SIGLECL1: variants seen among roughly 807,000 people sequenced by gnomAD.
SIGLECL1 encodes SIGLEC family-like protein 1.
SIGLECL1 carries 16 observed loss-of-function variants against 19.1 expected under a neutral mutation model. The observed-to-expected ratio is 0.84, with a 90% confidence interval of 0.57 to 1.27. The LOEUF (loss-of-function observed/expected upper bound fraction) is 1.27. SIGLECL1 is among the 50% of genes most tolerant of loss of function. The pLI is 0.00. For missense variants in SIGLECL1, 210 were observed against 239.4 expected (o/e 0.88, Z 0.81); for synonymous variants, 89 against 90.4 (o/e 0.98, Z 0.09).
chr19:51,265,455 T>C lies in SIGLECL1; in HGVS notation c.110T>C (p.Val37Ala). ...CSFHGIPTPS[V>A]QWWMGGVPVG... is the part of the protein sequence containing the mutation. ...TTCCATGGGATTCCCACACCCTCTG[T>C]GCAGTGGTGGATGGGAGGAGTCCCC... Residue 37 changes from valine to alanine, a missense_variant, in exon 3 of 6, where the codon GTG becomes GCG. Physicochemically the swap from Val to Ala is moderately conservative, Grantham distance 64 (BLOSUM62 0). Coordinates refer to ENST00000601727, the MANE Select transcript of SIGLECL1 (RefSeq NM_001385465.1). 1 of 1,614,134 alleles carries C rather than the reference T, an allele frequency of 6.2e-7. No homozygotes were observed.
chr19:51,265,065 A>T (rs1029151730), intron 2 of SIGLECL1, among the ~76,000 whole-genome samples: 5 of 152,200 alleles, frequency 3.3e-5, no homozygotes, highest in Admixed American at 1.3e-4. Flanking sequence ...TGGGAAGAAG[A>T]GAAGCAGAGT....
chr19:51,266,220 T>A (rs1983658530), intron 4 of SIGLECL1, among the ~76,000 whole-genome samples: 1 of 152,076 alleles, frequency 6.6e-6, no homozygotes, highest in Admixed American at 6.6e-5. Flanking sequence ...TGGAAAGTAT[T>A]AATAGTACAG....
chr19:51,261,547 C>T (rs1289543980), intron 1 of SIGLECL1, among the ~76,000 whole-genome samples: 1 of 152,188 alleles, frequency 6.6e-6, no homozygotes, highest in African/African-American at 2.4e-5. Flanking sequence ...CTCGGCCTCC[C>T]AAAGTGCTGG....
In SIGLECL1 at chr19:51,252,006, A is replaced by G. The variant is rs115669628; in HGVS notation, c.-191+461A>G. On this transcript the variant is annotated intron_variant, in intron 1 of 5. Transcript: ENST00000601727. ...AGGAAAATTGAGAGACATGGTGGTC[A>G]AGGAAAATAGGCTGGGCGCAGTGGC... is the stretch of plus-strand genomic sequence containing the variant. 2.5e-3 allele frequency among the ~76,000 whole-genome samples: 382 copies of G among 152,324 alleles called. 1 individual carries two copies. The highest frequency in any genetic ancestry group is 8.8e-3 in the African/African-American group (364 of 41,568).
In SIGLECL1 at chr19:51,265,805, C is replaced by A. The variant is rs189631727; in HGVS notation, c.333C>A (p.Phe111Leu). Residue 111 changes from phenylalanine (F) to leucine (L), a missense_variant, in exon 4 of 6, where the codon TTC (phenylalanine) becomes TTA (leucine). By Grantham distance (22) the Phe-to-Leu change is conservative. Transcript: ENST00000601727. ...AGAGTTCTTTGGCTGCCCAGGCCTTCGTGAAAGGGCTGATCCAGGGTGCTA... is the reference window on the plus strand; with the variant it reads ...AGAGTTCTTTGGCTGCCCAGGCCTTAGTGAAAGGGCTGATCCAGGGTGCTA... ...SRKSSLAAQA[F>L]VKGLIQGAIY... The A allele has an allele frequency of 3.7e-6, 6 of 1,614,046 alleles. No homozygotes were observed. The highest frequency in any genetic ancestry group is 1.3e-5 in the African/African-American group (1 of 74,912).
Position 51,252,754 on chromosome 19 carries a change from G to A in SIGLECL1, c.-191+1209G>A, listed in dbSNP as rs1011876883. 4.6e-5 allele frequency among the ~76,000 whole-genome samples: 7 copies of A among 152,158 alleles called. No individual in the cohort carries two copies. The East Asian group carries it at 1.2e-3, about 25-fold the overall frequency. ...GAGCACAGACCACTCAGAGAGGTCT[G>A]TTAAAACATGCCGAAATATGGAATA... On this transcript the variant is annotated intron_variant, in intron 1 of 5. Coordinates refer to ENST00000601727, the MANE Select transcript of SIGLECL1 (RefSeq NM_001385465.1).
At chr19:51,265,295 A>C in intron 2 of SIGLECL1, 73 bp from the exon 3 acceptor site, 1 of 1,489,590 alleles carries the variant, frequency 6.7e-7, no homozygotes, top group Non-Finnish European at 9.1e-7. Context: ...AGTAAAGAGA[A>C]GGCTGCATGC....
rs113540507 is a variant in SIGLECL1, at chr19:51,255,263, GAA to G, written c.-191+3732_-191+3733del. Reference sequence around the variant, plus strand: ...CAACAGAGTGGGGACCCTGTCTCAAGAAAAAAAAAAAAAAAGACTTAAATATA... The same window carrying G: ...CAACAGAGTGGGGACCCTGTCTCAAGAAAAAAAAAAAAAGACTTAAATATA... On this transcript the variant is annotated intron_variant, in intron 1 of 5. Coordinates refer to ENST00000601727, the MANE Select transcript of SIGLECL1 (RefSeq NM_001385465.1). 7.2e-4 allele frequency among the ~76,000 whole-genome samples: 67 copies of G among 92,650 alleles called. 1 individual carries two copies. The East Asian group carries it at 0.01, about 14-fold the overall frequency. The allele number at this position is 92,650 out of a possible 152,430, so 60.8% of individuals were successfully genotyped here.
Position 51,264,019 on chromosome 19 carries a change from G to C in SIGLECL1, c.-54G>C. 1 of 1,604,688 alleles carries C rather than the reference G, an allele frequency of 6.2e-7. No individual in the cohort carries two copies. The highest frequency in any genetic ancestry group is 8.5e-7 in the Non-Finnish European group (1 of 1,172,196). On this transcript the variant is annotated 5_prime_UTR_variant, in exon 2 of 6. Transcript: ENST00000601727. ...TGAACCATATGGTTCTGATGTCAGA[G>C]CCAGTGTAGTAAAGAGCTTCTGCTG...
chr19:51,265,260 C>T lies in SIGLECL1; in HGVS notation c.23-108C>T, dbSNP rs560947428. 2.4e-5 allele frequency: 31 copies of T among 1,288,456 alleles called. No homozygotes were observed. In the South Asian group the frequency reaches 4.3e-4, roughly 18 times the overall value. 79.8% of individuals were successfully genotyped at this position (1,288,456 alleles called of 1,614,324 possible). A position where few individuals can be genotyped will look rare whatever the true frequency, so the allele number is the denominator to read the frequency against. On this transcript the variant is annotated intron_variant, in intron 2 of 5. Transcript: ENST00000601727. ...GAATCCTGTGGGCTTCCAGAAAGTC[C>T]TTCTGAAGCTCCTTGTGAATAGCAA...
intron 2 of SIGLECL1, 24 bp downstream of exon 2, chr19:51,264,118 T>C: frequency 1.2e-6 from 2 of 1,613,684 alleles, no homozygotes; most frequent in Non-Finnish European, 1.7e-6. Flanking sequence ...GAAGCAGCAC[T>C]GGAGGTGTGT....
intron 2 of SIGLECL1, among the ~76,000 whole-genome samples, chr19:51,264,718 G>C: frequency 6.6e-6 from 1 of 152,234 alleles, no homozygotes; most frequent in Middle Eastern, 3.4e-3. Flanking sequence ...TAAATAGAGC[G>C]AGGCAATTTC....
upstream of SIGLECL1, among the ~76,000 whole-genome samples, chr19:51,250,786 A>G (rs970687641): frequency 6.6e-6 from 1 of 152,176 alleles, no homozygotes. Flanking sequence ...TCAAGATCCA[A>G]TTGGGCACAA....
In SIGLECL1 at chr19:51,265,820, C is replaced by T. The variant is rs746424657; in HGVS notation, c.348C>T (p.Ile116=). 6.8e-6 allele frequency: 11 copies of T among 1,614,142 alleles called. No individual in the cohort carries two copies. Among genetic ancestry groups the T allele is most frequent in the South Asian group, 4.4e-5 (4 of 91,076 alleles). ...LAAQAFVKGL[I]QGAIYAGIVI... is the part of the protein sequence containing the mutation. ...CCCAGGCCTTCGTGAAAGGGCTGAT[C>T]CAGGGTGCTATCTATGCGGGAATTG... The change falls in exon 4 of 6, where the codon ATC becomes ATT. Residue 116 remains isoleucine, a synonymous_variant. Transcript: ENST00000601727.
At chr19:51,264,688 C>T (rs1238680994) in intron 2 of SIGLECL1, among the ~76,000 whole-genome samples, 2 of 152,216 alleles carry the variant, frequency 1.3e-5, no homozygotes, top group Non-Finnish European at 2.9e-5. Flanking sequence ...CATCAAATGG[C>T]CACCATGTCC....
At position 51,268,683 on chromosome 19, in the gene SIGLECL1, C is replaced by A; in HGVS notation, c.*86C>A. 1 of 1,404,408 alleles carries A rather than the reference C, an allele frequency of 7.1e-7. No homozygotes were observed. Among genetic ancestry groups the A allele is most frequent in the Non-Finnish European group, 9.8e-7 (1 of 1,015,428 alleles). The allele number at this position is 1,404,408 out of a possible 1,614,324, so 87.0% of individuals were successfully genotyped here. A position where few individuals can be genotyped will look rare whatever the true frequency, so the allele number is the denominator to read the frequency against. ...AAAATTTATAGCGCTCACAGAAACC[C>A]TGGAGGCTGTAATAAACCTGGAGCC... On this transcript the variant is annotated 3_prime_UTR_variant, in exon 6 of 6. Transcript: ENST00000601727.
chr19:51,261,006 G>A (rs1983171730), intron 1 of SIGLECL1, among the ~76,000 whole-genome samples: 1 of 152,170 alleles, frequency 6.6e-6, no homozygotes, highest in Admixed American at 6.5e-5. Context: ...TGAGAGAACA[G>A]TGATTAAAAT....
At chr19:51,249,516 T>C (rs1013991006), upstream of SIGLECL1, among the ~76,000 whole-genome samples, 3 of 151,942 alleles carry the variant, frequency 2.0e-5, no homozygotes, top group South Asian at 6.2e-4. Flanking sequence ...AAAACAATTA[T>C]TCCAATAAAG....
chr19:51,263,980 C>G lies in SIGLECL1; in HGVS notation c.-93C>G. 1 of 1,491,500 alleles carries G rather than the reference C, an allele frequency of 6.7e-7. No individual in the cohort carries two copies. The highest frequency in any genetic ancestry group is 9.2e-7 in the Non-Finnish European group (1 of 1,083,250). The allele number at this position is 1,491,500 out of a possible 1,614,324, so 92.4% of individuals were successfully genotyped here. On this transcript the variant is annotated 5_prime_UTR_variant, in exon 2 of 6. It adds an upstream start codon to the 5' untranslated region. Transcript: ENST00000601727. ...CCCACATCCTCTTTCAGTTACGCAT[C>G]ACCTCACTCCTTCTGAACCATATGG... is the stretch of plus-strand genomic sequence containing the variant.
Sources: allele counts gnomAD v4.1 joint callset (sites outside exome capture counted in the v4.1 genomes callset), GRCh38; gene constraint gnomAD v4.1.1; transcripts MANE v1.5; gene names NCBI Gene and HGNC (gene_info 2026-07-23, HGNC 2026-07-21).